Variants in PSD2 observed in about 807,000 individuals in gnomAD.
PSD2 encodes the protein pleckstrin and Sec7 domain containing 2, also known as PH and SEC7 domain-containing protein 2.
PSD2 carries 38 observed loss-of-function variants against 69.8 expected under a neutral mutation model. The ratio of observed to expected loss-of-function variants is 0.54; its 90% CI spans 0.42 to 0.71. The LOEUF (loss-of-function observed/expected upper bound fraction) is 0.71. PSD2 is among the 30% of genes least tolerant of loss of function. PSD2 has a pLI of 0.00. For synonymous variants in PSD2, 412 were observed against 423.0 expected (o/e 0.97, Z 0.32); for missense variants, 943 against 1,014.5 (o/e 0.93, Z 0.96).
the PSD2 span, among the ~76,000 whole-genome samples, chr5:139,778,945 C>CAAAA: frequency 7.0e-5 from 7 of 99,892 alleles, no homozygotes; most frequent in African/African-American, 1.1e-4. Context: ...AGAAAAAAAA[C>CAAAA]AAAAAAAAAA....
At chr5:139,810,927 A>T (rs1186626268) in intron 2 of PSD2, among the ~76,000 whole-genome samples, 3 of 151,018 alleles carry the variant, frequency 2.0e-5, no homozygotes, top group Non-Finnish European at 4.4e-5. Flanking sequence ...CATCAGGGCC[A>T]CCCCTCAGCC....
the PSD2 span, among the ~76,000 whole-genome samples, chr5:139,784,756 TC>T: frequency 6.6e-6 from 1 of 151,088 alleles, no homozygotes; most frequent in Non-Finnish European, 1.5e-5. Context: ...CATGACAAAT[TC>T]CCCCCCTTTT....
the PSD2 span, among the ~76,000 whole-genome samples, chr5:139,766,880 T>TTTCC: frequency 5.4e-5 from 8 of 148,506 alleles, 1 homozygote; most frequent in African/African-American, 2.0e-4. Context: ...TCTTTCTTTC[T>TTTCC]TTCTTTCCTT....
the PSD2 span, among the ~76,000 whole-genome samples, chr5:139,768,566 A>G: frequency 6.6e-6 from 1 of 152,138 alleles, no homozygotes; most frequent in African/African-American, 2.4e-5. Context: ...TCTACTAAAA[A>G]TACAAAATTA....
At chr5:139,790,248 T>A in the PSD2 span, among the ~76,000 whole-genome samples, 1 of 151,996 alleles carries the variant, frequency 6.6e-6, no homozygotes, top group African/African-American at 2.4e-5. Flanking sequence ...TCGTGATGTT[T>A]ACGGCAAAGA....
chr5:139,797,471 G>A (rs1759558827), intron 1 of PSD2, among the ~76,000 whole-genome samples: 1 of 152,186 alleles, frequency 6.6e-6, no homozygotes, highest in South Asian at 2.1e-4. Context: ...TGCAGCCCAG[G>A]GATGCCCCCA....
chr5:139,807,419 C>T (rs1171534939), intron 1 of PSD2, among the ~76,000 whole-genome samples: 1 of 144,028 alleles, frequency 6.9e-6, no homozygotes, highest in Admixed American at 7.0e-5. Context: ...TCTGAGTATA[C>T]AACCAGAGGG....
intron 2 of PSD2, among the ~76,000 whole-genome samples, chr5:139,812,567 CAG>C (rs1491338258): frequency 1.3e-5 from 2 of 152,168 alleles, no homozygotes; most frequent in Admixed American, 6.5e-5. Context: ...ATACAGTAAA[CAG>C]GGGAACAGAC....
chr5:139,812,509 C>T (rs1026416814), intron 2 of PSD2, among the ~76,000 whole-genome samples: 3 of 152,122 alleles, frequency 2.0e-5, no homozygotes, highest in Non-Finnish European at 4.4e-5. Context: ...CTACTATGTG[C>T]GGGGTGCTCC....
intron 7 of PSD2, among the ~76,000 whole-genome samples, chr5:139,826,227 G>T (rs1284655439): frequency 1.3e-5 from 2 of 152,200 alleles, no homozygotes; most frequent in Non-Finnish European, 2.9e-5. Flanking sequence ...GAGCTCAAGA[G>T]GCGAGGGTGT....
At chr5:139,757,158 C>G in the PSD2 span, among the ~76,000 whole-genome samples, 3 of 152,168 alleles carry the variant, frequency 2.0e-5, no homozygotes, top group African/African-American at 7.2e-5. Context: ...GTTCTCCCAC[C>G]CCTCCTGGGC....
chr5:139,781,374 T>C, the PSD2 span, among the ~76,000 whole-genome samples: 17 of 152,136 alleles, frequency 1.1e-4, no homozygotes, highest in South Asian at 6.2e-4. Flanking sequence ...CTTGCTCTGT[T>C]GCCCAGGCTG....
At chr5:139,796,773 A>C (rs906789715) in intron 1 of PSD2, among the ~76,000 whole-genome samples, 1 of 152,298 alleles carries the variant, frequency 6.6e-6, no homozygotes. Context: ...CCACTGTCTC[A>C]AGCCCACCCC....
At chr5:139,766,932 TC>T in the PSD2 span, among the ~76,000 whole-genome samples, 19 of 52,716 alleles carry the variant, frequency 3.6e-4, no homozygotes, top group Middle Eastern at 8.9e-3. Flanking sequence ...TTCCTTCCCT[TC>T]TTTCTTTCTT....
chr5:139,757,001 T>G, the PSD2 span, among the ~76,000 whole-genome samples: 1 of 152,204 alleles, frequency 6.6e-6, no homozygotes, highest in African/African-American at 2.4e-5. Context: ...CTCATGTTTT[T>G]ACAGATGAGG....
At chr5:139,755,713 C>T in the PSD2 span, among the ~76,000 whole-genome samples, 2 of 150,644 alleles carry the variant, frequency 1.3e-5, no homozygotes, top group Non-Finnish European at 3.0e-5. Flanking sequence ...ACTCTAGGTG[C>T]CACAGTGTGT....
At chr5:139,833,345 A>G (rs1760638531) in intron 7 of PSD2, among the ~76,000 whole-genome samples, 1 of 152,138 alleles carries the variant, frequency 6.6e-6, no homozygotes, top group African/African-American at 2.4e-5. Context: ...TAATAAAAAC[A>G]GGCACCTCAC....
rs528494742 is a variant in PSD2, at chr5:139,838,466, G to C, written c.1824-162G>C. On this transcript the variant is annotated intron_variant, in intron 12 of 14. Coordinates refer to ENST00000274710, the MANE Select transcript of PSD2 (RefSeq NM_032289.4). The stretch of plus-strand genomic sequence containing the variant: ...GGAGCTCCGTGCATAGCTCTGGCCA[G>C]GCCCATCCAGCCCCCATGTGTCCTC... Among the ~76,000 whole-genome samples, 5 of 152,218 alleles carry C rather than the reference G, an allele frequency of 3.3e-5. No homozygotes were observed. In the East Asian group the frequency reaches 9.7e-4, roughly 29 times the overall value.
chr5:139,830,565 CCTTT>C lies in PSD2; in HGVS notation c.1270-3112_1270-3109del, dbSNP rs778306206. Among the ~76,000 whole-genome samples, 173 of 120,376 alleles carry C rather than the reference CCTTT, an allele frequency of 1.4e-3. 2 individuals are homozygous for C. Among genetic ancestry groups the C allele is most frequent in the East Asian group, 5.5e-3 (25 of 4,540 alleles). The allele number at this position is 120,376 out of a possible 152,430, so 79.0% of individuals were successfully genotyped here. ...TCCTTCCTTCCTTCCTTCCTTCCTT[CCTTT>C]CTTTCTTTCTTTCTTTCTTTCTTTT... On this transcript the variant is annotated intron_variant, in intron 7 of 14. Coordinates refer to ENST00000274710, the MANE Select transcript of PSD2 (RefSeq NM_032289.4).
Sources: gnomAD v4.1 joint callset for allele counts (sites outside exome capture counted in the v4.1 genomes callset) on GRCh38, gnomAD v4.1.1 for gene constraint, MANE v1.5 for transcripts, NCBI Gene and HGNC (gene_info 2026-07-23, HGNC 2026-07-21) for gene names.